Variants in CFAP299 observed in about 807,000 individuals in gnomAD.
CFAP299 encodes the protein cilia and flagella associated protein 299, also known as cilia- and flagella-associated protein 299.
CFAP299 carries 21 observed loss-of-function variants against 27.0 expected under a neutral mutation model. That is an observed-to-expected ratio of 0.78 (90% CI 0.55 to 1.12). The LOEUF is 1.12. CFAP299 is among the 50% of genes most tolerant of loss of function. CFAP299 has a pLI of 0.00. For synonymous variants in CFAP299, 104 were observed against 98.1 expected (o/e 1.06, Z -0.36); for missense variants, 310 against 276.6 (o/e 1.12, Z -0.86).
intron 3 of CFAP299, among the ~76,000 whole-genome samples, chr4:80,808,686 C>A (rs1728987678): frequency 6.6e-6 from 1 of 152,106 alleles, no homozygotes; most frequent in East Asian, 1.9e-4. Context: ...CCATGTGCTG[C>A]ACATGTTAGG....
At chr4:80,386,901 G>T in intron 2 of CFAP299, 1 of 843,454 alleles carries the variant, frequency 1.2e-6, no homozygotes, top group South Asian at 1.3e-5. Context: ...GCATTTGTAG[G>T]GCTTCTCGCC....
At chr4:80,681,035 G>A (rs757891656) in intron 3 of CFAP299, among the ~76,000 whole-genome samples, 1 of 152,098 alleles carries the variant, frequency 6.6e-6, no homozygotes, top group Admixed American at 6.6e-5. Context: ...GTGGAGGCAA[G>A]GCAAGGGAAG....
intron 4 of CFAP299, among the ~76,000 whole-genome samples, chr4:80,937,306 T>C (rs1560484250): frequency 1.5e-5 from 2 of 134,180 alleles, no homozygotes; most frequent in Non-Finnish European, 3.0e-5. Flanking sequence ...TTCTTTTTTT[T>C]TCTTTCTTTT....
At chr4:80,488,226 C>T (rs1003603344) in intron 2 of CFAP299, among the ~76,000 whole-genome samples, 2 of 152,096 alleles carry the variant, frequency 1.3e-5, no homozygotes, top group Admixed American at 6.5e-5. Context: ...CCCCCACTGC[C>T]GCAGAAGTAA....
At chr4:80,760,718 TC>T (rs958830311) in intron 3 of CFAP299, among the ~76,000 whole-genome samples, 1 of 152,170 alleles carries the variant, frequency 6.6e-6, no homozygotes, top group African/African-American at 2.4e-5. Flanking sequence ...TCAAATTTTT[TC>T]AAGAACACAA....
At chr4:80,670,240 T>C (rs1400342814) in intron 3 of CFAP299, among the ~76,000 whole-genome samples, 1 of 152,126 alleles carries the variant, frequency 6.6e-6, no homozygotes, top group African/African-American at 2.4e-5. Context: ...CATGCAGTGT[T>C]TGGTTTTCTA....
At chr4:80,851,911 G>A (rs1007284744) in intron 3 of CFAP299, among the ~76,000 whole-genome samples, 1 of 152,026 alleles carries the variant, frequency 6.6e-6, no homozygotes, top group African/African-American at 2.4e-5. Context: ...TGATTTGTCA[G>A]GAAGATTCAG....
intron 3 of CFAP299, among the ~76,000 whole-genome samples, chr4:80,669,629 T>C (rs1741359925): frequency 6.6e-6 from 1 of 151,822 alleles, no homozygotes. Flanking sequence ...GATTATGTCA[T>C]TTGCAAACAG....
intron 2 of CFAP299, among the ~76,000 whole-genome samples, chr4:80,477,549 C>G (rs1470687426): frequency 5.3e-5 from 8 of 152,196 alleles, no homozygotes; most frequent in Admixed American, 5.2e-4. Flanking sequence ...TCTTATCCCA[C>G]GATCACACCT....
chr4:80,409,717 A>G (rs1726613535), intron 2 of CFAP299, among the ~76,000 whole-genome samples: 1 of 152,194 alleles, frequency 6.6e-6, no homozygotes, highest in Non-Finnish European at 1.5e-5. Context: ...TATTGACAGG[A>G]ATTATTTGAA....
intron 2 of CFAP299, among the ~76,000 whole-genome samples, chr4:80,505,935 G>T (rs1310135884): frequency 6.6e-6 from 1 of 151,728 alleles, no homozygotes; most frequent in African/African-American, 2.4e-5. Flanking sequence ...TAGCAATTAC[G>T]CTGTAGTCTG....
At chr4:80,420,399 G>T in intron 2 of CFAP299, 1 of 262,108 alleles carries the variant, frequency 3.8e-6, no homozygotes, top group South Asian at 3.9e-5. Flanking sequence ...AGTATATTTT[G>T]GGTGAGATAT....
intron 2 of CFAP299, among the ~76,000 whole-genome samples, chr4:80,563,398 T>C (rs1735132800): frequency 6.6e-6 from 1 of 152,130 alleles, no homozygotes; most frequent in Non-Finnish European, 1.5e-5. Flanking sequence ...AGAATAATTT[T>C]GGAAACTATA....
intron 3 of CFAP299, among the ~76,000 whole-genome samples, chr4:80,762,149 A>G (rs1322987528): frequency 1.3e-5 from 2 of 151,806 alleles, no homozygotes; most frequent in Non-Finnish European, 2.9e-5. Context: ...ATATATATAT[A>G]TATTACATTT....
At chr4:80,551,745 A>C (rs974301154) in intron 2 of CFAP299, among the ~76,000 whole-genome samples, 1 of 151,646 alleles carries the variant, frequency 6.6e-6, no homozygotes, top group African/African-American at 2.4e-5. Context: ...TGTAAGTGAT[A>C]TATCTATGAT....
chr4:80,811,372 G>C (rs116584393), intron 3 of CFAP299, among the ~76,000 whole-genome samples: 1,629 of 152,180 alleles, frequency 0.011, 32 homozygotes, highest in African/African-American at 0.036. Flanking sequence ...GTAATAATTT[G>C]CTTCTCACAT....
chr4:80,914,128 G>A (rs1347406436), intron 4 of CFAP299, among the ~76,000 whole-genome samples: 1 of 152,122 alleles, frequency 6.6e-6, no homozygotes, highest in African/African-American at 2.4e-5. Context: ...CATAGTCTGT[G>A]TCTAATATTA....
intron 2 of CFAP299, chr4:80,388,072 G>A: frequency 1.5e-6 from 1 of 688,442 alleles, no homozygotes; most frequent in Non-Finnish European, 2.6e-6. Flanking sequence ...TCCCAGCCAG[G>A]AGTGCAGCAG....
intron 3 of CFAP299, among the ~76,000 whole-genome samples, chr4:80,786,444 T>C (rs1727249622): frequency 6.6e-6 from 1 of 152,138 alleles, no homozygotes; most frequent in Non-Finnish European, 1.5e-5. Flanking sequence ...TAAAGATAAA[T>C]TGCTACGTAC....
Sources: allele counts gnomAD v4.1 joint callset (sites outside exome capture counted in the v4.1 genomes callset), GRCh38; gene constraint gnomAD v4.1.1; transcripts MANE v1.5; gene names NCBI Gene and HGNC (gene_info 2026-07-23, HGNC 2026-07-21).